LHFPL3: variants seen among roughly 807,000 people sequenced by gnomAD.
The protein encoded by LHFPL3 is LHFPL tetraspan subfamily member 3 protein.
Under a neutral mutation model 19.3 loss-of-function variants are expected in LHFPL3, and 5 were observed. That is an observed-to-expected ratio of 0.26 (90% confidence interval 0.14 to 0.54). LHFPL3 has a LOEUF of 0.54. LHFPL3 is among the 20% of genes least tolerant of loss of function. The pLI is 0.94. For synonymous variants in LHFPL3, 133 were observed against 126.2 expected (o/e 1.05, Z -0.36); for missense variants, 249 against 307.4 (o/e 0.81, Z 1.42).
chr7:104,698,780 G>A (rs1793046561), intron 1 of LHFPL3, among the ~76,000 whole-genome samples: 1 of 152,144 alleles, frequency 6.6e-6, no homozygotes, highest in Admixed American at 6.5e-5. Context: ...TGGAGGGAAT[G>A]TAAATACTTA....
intron 1 of LHFPL3, among the ~76,000 whole-genome samples, chr7:104,598,146 A>G (rs1264872481): frequency 2.6e-5 from 4 of 152,206 alleles, no homozygotes; most frequent in African/African-American, 7.2e-5. Context: ...ATCCACATCA[A>G]TTTTCAAGCA....
chr7:104,848,175 T>C (rs1584573733), intron 2 of LHFPL3, among the ~76,000 whole-genome samples: 1 of 152,020 alleles, frequency 6.6e-6, no homozygotes, highest in Non-Finnish European at 1.5e-5. Flanking sequence ...GCTGGAAGGG[T>C]TGTACAAGAG....
intron 2 of LHFPL3, among the ~76,000 whole-genome samples, chr7:104,842,148 T>C (rs1171292435): frequency 6.6e-6 from 1 of 150,666 alleles, no homozygotes; most frequent in African/African-American, 2.5e-5. Flanking sequence ...AGCATGTCTG[T>C]TCTGATCAAC....
chr7:104,509,524 A>G (rs1363067171), intron 1 of LHFPL3, among the ~76,000 whole-genome samples: 1 of 152,114 alleles, frequency 6.6e-6, no homozygotes, highest in South Asian at 2.1e-4. Flanking sequence ...ATTTGATAAA[A>G]GTCAACACCC....
At chr7:104,458,137 A>G (rs1410859704) in intron 1 of LHFPL3, among the ~76,000 whole-genome samples, 1 of 151,350 alleles carries the variant, frequency 6.6e-6, no homozygotes, top group Non-Finnish European at 1.5e-5. Flanking sequence ...CCATTTGTCA[A>G]TTTTGTCTTT....
intron 1 of LHFPL3, among the ~76,000 whole-genome samples, chr7:104,564,047 A>C (rs962818846): frequency 3.9e-5 from 6 of 152,196 alleles, no homozygotes; most frequent in African/African-American, 1.4e-4. Flanking sequence ...CTACACATAC[A>C]ATATCTCATT....
intron 1 of LHFPL3, among the ~76,000 whole-genome samples, chr7:104,463,078 C>G (rs1324988556): frequency 1.3e-5 from 2 of 151,988 alleles, no homozygotes; most frequent in East Asian, 3.8e-4. Context: ...TGGGGTCAAT[C>G]GGGATAATAT....
At chr7:104,508,617 A>AAT (rs71155503) in intron 1 of LHFPL3, among the ~76,000 whole-genome samples, 22 of 124,038 alleles carry the variant, frequency 1.8e-4, no homozygotes, top group African/African-American at 6.1e-4. Context: ...AATAAAAAAA[A>AAT]ATATATATAT....
intron 2 of LHFPL3, among the ~76,000 whole-genome samples, chr7:104,855,620 TTTTTC>T (rs1355992518): frequency 8.1e-6 from 1 of 123,814 alleles, no homozygotes; most frequent in African/African-American, 2.6e-5. Flanking sequence ...TAACTCCAGA[TTTTTC>T]TTTCTTTTTT....
chr7:104,738,416 TTTCAAAA>T, intron 2 of LHFPL3, among the ~76,000 whole-genome samples: 1 of 152,180 alleles, frequency 6.6e-6, no homozygotes, highest in Non-Finnish European at 1.5e-5. Context: ...AAGCTATCTT[TTTCAAAA>T]GAATGAATTA....
rs146272056 is a variant in LHFPL3, at chr7:104,359,508, T to C, written c.445+30284T>C. Among the ~76,000 whole-genome samples, 1,000 of 152,338 alleles carry C rather than the reference T, an allele frequency of 6.6e-3. 6 individuals are homozygous for C. Among genetic ancestry groups the C allele is most frequent in the African/African-American group, 0.022 (922 of 41,562 alleles). ...AATAAATATGTAAAAAAACTAAGTTTAATTTGATGTGGTCTTTTCCACAAA... is the reference window on the plus strand; with the variant it reads ...AATAAATATGTAAAAAAACTAAGTTCAATTTGATGTGGTCTTTTCCACAAA... On this transcript the variant is annotated intron_variant, in intron 1 of 2. Transcript: ENST00000424859.
chr7:104,519,734 C>G (rs578045048), intron 1 of LHFPL3, among the ~76,000 whole-genome samples: 39 of 151,860 alleles, frequency 2.6e-4, no homozygotes, highest in Non-Finnish European at 4.4e-4. Flanking sequence ...CACTGTGGTA[C>G]CTGGGAGCCA....
intron 2 of LHFPL3, among the ~76,000 whole-genome samples, chr7:104,739,221 G>T (rs1006380121): frequency 6.6e-6 from 1 of 152,098 alleles, no homozygotes; most frequent in African/African-American, 2.4e-5. Context: ...CATGTTCCTG[G>T]GAAATGGTAC....
intron 2 of LHFPL3, among the ~76,000 whole-genome samples, chr7:104,797,795 A>G (rs1026911971): frequency 5.7e-4 from 87 of 151,800 alleles, no homozygotes; most frequent in Middle Eastern, 3.5e-3. Context: ...ATGTGCCTGT[A>G]GTCTCAGCTA....
chr7:104,772,034 T>C (rs1362059663), intron 2 of LHFPL3, among the ~76,000 whole-genome samples: 1 of 151,950 alleles, frequency 6.6e-6, no homozygotes, highest in Non-Finnish European at 1.5e-5. Context: ...TGGCCAGGAA[T>C]GGTCTCGATC....
chr7:104,524,441 CGGCT>C (rs780037530), intron 1 of LHFPL3, among the ~76,000 whole-genome samples: 5 of 152,062 alleles, frequency 3.3e-5, no homozygotes, highest in Non-Finnish European at 7.4e-5. Context: ...GCAAGTGGAC[CGGCT>C]GGTACTAACA....
At chr7:104,606,610 G>A (rs1201612960) in intron 1 of LHFPL3, among the ~76,000 whole-genome samples, 1 of 152,206 alleles carries the variant, frequency 6.6e-6, no homozygotes. Context: ...TGAAAACCAT[G>A]TAATTGGCCA....
At chr7:104,884,350 C>T (rs551038045) in intron 2 of LHFPL3, among the ~76,000 whole-genome samples, 11 of 152,118 alleles carry the variant, frequency 7.2e-5, no homozygotes, top group Non-Finnish European at 1.6e-4. Context: ...TGAGATAGGC[C>T]CTCTGACCGC....
At chr7:104,817,033 AC>A (rs1790569329) in intron 2 of LHFPL3, among the ~76,000 whole-genome samples, 1 of 151,178 alleles carries the variant, frequency 6.6e-6, no homozygotes, top group African/African-American at 2.4e-5. Flanking sequence ...CCCTCTTTCC[AC>A]CCAGGCAAAT....
Sources: allele counts gnomAD v4.1 joint callset (sites outside exome capture counted in the v4.1 genomes callset), GRCh38; gene constraint gnomAD v4.1.1; transcripts MANE v1.5; gene names NCBI Gene and HGNC (gene_info 2026-07-23, HGNC 2026-07-21).